DGKG: variants seen among roughly 807,000 people sequenced by gnomAD.
DGKG encodes the protein DAG kinase gamma.
Under a neutral mutation model 105.3 loss-of-function variants are expected in DGKG, and 78 were observed. The ratio of observed to expected loss-of-function variants is 0.74; its 90% CI spans 0.62 to 0.89. The LOEUF is 0.89. Ranked by LOEUF, DGKG falls within the 40% of genes least tolerant of loss-of-function variation. The pLI, the probability that DGKG is intolerant of heterozygous loss-of-function variation, is 0.00. For missense variants in DGKG, 958 were observed against 1,020.1 expected (o/e 0.94, Z 0.83); for synonymous variants, 346 against 367.1 (o/e 0.94, Z 0.66).
chr3:186,242,653 C>T (rs1720745730), intron 19 of DGKG, 85 bp from the exon 20 acceptor site: 1 of 1,177,872 alleles, frequency 8.5e-7, no homozygotes, highest in African/African-American at 1.5e-5. Context: ...CATGCACTCG[C>T]TGAGTCATGC....
intron 1 of DGKG, among the ~76,000 whole-genome samples, chr3:186,337,394 T>A (rs1725879689): frequency 6.6e-6 from 1 of 151,662 alleles, no homozygotes; most frequent in Non-Finnish European, 1.5e-5. Flanking sequence ...AATTCAACAC[T>A]GAAATATAAT....
intron 18 of DGKG, among the ~76,000 whole-genome samples, chr3:186,252,837 T>G (rs1396370309): frequency 6.6e-6 from 1 of 152,098 alleles, no homozygotes; most frequent in Admixed American, 6.5e-5. Context: ...AGGCTCTAAG[T>G]TGATGGTTTC....
intron 17 of DGKG, among the ~76,000 whole-genome samples, chr3:186,256,618 C>T (rs758927874): frequency 8.5e-5 from 13 of 152,222 alleles, no homozygotes; most frequent in Non-Finnish European, 1.9e-4. Context: ...GTATAAAAGC[C>T]ATATTCCATA....
intron 19 of DGKG, among the ~76,000 whole-genome samples, chr3:186,245,195 A>C (rs1720882826): frequency 6.6e-6 from 1 of 152,178 alleles, no homozygotes; most frequent in South Asian, 2.1e-4. Flanking sequence ...TTCCATAACT[A>C]GGTTTTGCAA....
chr3:186,246,642 T>TC (rs1454172394), intron 19 of DGKG, among the ~76,000 whole-genome samples: 2 of 152,094 alleles, frequency 1.3e-5, no homozygotes, highest in Non-Finnish European at 2.9e-5. Context: ...CTCTGGGGAG[T>TC]CCCACTGTAT....
intron 19 of DGKG, among the ~76,000 whole-genome samples, chr3:186,243,895 G>GTTTTT (rs34134152): frequency 1.5e-4 from 18 of 116,314 alleles, no homozygotes; most frequent in East Asian, 4.8e-4. Flanking sequence ...AAATTTCTGT[G>GTTTTT]TTTTTTTTTT....
intron 11 of DGKG, among the ~76,000 whole-genome samples, chr3:186,270,333 T>C (rs1450391021): frequency 6.6e-6 from 1 of 152,186 alleles, no homozygotes; most frequent in Non-Finnish European, 1.5e-5. Flanking sequence ...TCTCACCATG[T>C]TGCCCCGGCT....
intron 1 of DGKG, among the ~76,000 whole-genome samples, chr3:186,333,090 T>C (rs1560159873): frequency 6.6e-6 from 1 of 152,174 alleles, no homozygotes; most frequent in African/African-American, 2.4e-5. Flanking sequence ...GTTACCCAGC[T>C]TCAGGTATCC....
chr3:186,250,675 G>A (rs1405060536), intron 19 of DGKG, among the ~76,000 whole-genome samples: 2 of 149,910 alleles, frequency 1.3e-5, no homozygotes, highest in South Asian at 2.1e-4. Context: ...TCAGCCTCCC[G>A]AGTAGCTGGG....
intron 20 of DGKG, among the ~76,000 whole-genome samples, chr3:186,224,859 G>A (rs1300434246): frequency 6.6e-6 from 1 of 151,972 alleles, no homozygotes; most frequent in African/African-American, 2.4e-5. Context: ...CTCATGAGGA[G>A]TTGAACCTCA....
rs73887786 is a variant in DGKG, at chr3:186,221,412, G to C, written c.1827-9527C>G. ...CTTAGCAATCCTTTCTCCCTTTGAA[G>C]AGTTATTCGTGGAAAGAAAATCCCC... On this transcript the variant is annotated intron_variant, in intron 20 of 24. Transcript: ENST00000265022. 2.5e-3 allele frequency among the ~76,000 whole-genome samples: 380 copies of C among 152,334 alleles called. 4 individuals are homozygous for C. The highest frequency in any genetic ancestry group is 8.7e-3 in the African/African-American group (360 of 41,570).
At chr3:186,256,939 A>G (rs1303168021) in intron 17 of DGKG, among the ~76,000 whole-genome samples, 1 of 152,072 alleles carries the variant, frequency 6.6e-6, no homozygotes, top group African/African-American at 2.4e-5. Context: ...ACTATGTCTC[A>G]CTTATTTAAT....
chr3:186,267,545 T>TA (rs916019954), intron 13 of DGKG, 140 bp downstream of exon 13: 8 of 681,184 alleles, frequency 1.2e-5, no homozygotes, highest in African/African-American at 1.8e-5. Flanking sequence ...AAAATAACAG[T>TA]AAAAAAAGAA....
rs13089860 is a variant in DGKG, at chr3:186,148,826, A to G, written c.*1264T>C. 0.66 allele frequency: 646,806 copies of G among 984,394 alleles called. 213,440 individuals are homozygous for G. The highest frequency in any genetic ancestry group is 0.92 in the East Asian group (8,104 of 8,786). 61.0% of individuals were successfully genotyped at this position (984,394 alleles called of 1,614,324 possible). A position where few individuals can be genotyped will look rare whatever the true frequency, so the allele number is the denominator to read the frequency against. On this transcript the variant is annotated 3_prime_UTR_variant, in exon 25 of 25. Coordinates refer to ENST00000265022, the MANE Select transcript of DGKG (RefSeq NM_001346.3). ...ATTCCCCTTAACCCTTGTGATCACC[A>G]CAGGGAGATGCGTCCTGACAATGAA...
At chr3:186,290,995 T>C (rs1304637181) in intron 5 of DGKG, among the ~76,000 whole-genome samples, 2 of 152,198 alleles carry the variant, frequency 1.3e-5, no homozygotes, top group Non-Finnish European at 2.9e-5. Context: ...TGATAGAGTA[T>C]TCAGAAACAT....
chr3:186,323,261 C>A (rs954140265), intron 1 of DGKG, among the ~76,000 whole-genome samples: 2 of 152,178 alleles, frequency 1.3e-5, no homozygotes, highest in Non-Finnish European at 2.9e-5. Context: ...CTTTAGAAAC[C>A]TTTGCCATCG....
rs115221090 is a variant in DGKG at position 186,214,195 on chromosome 3, T to C, written c.1827-2310A>G. On this transcript the variant is annotated intron_variant, in intron 20 of 24. Transcript: ENST00000265022. Reference sequence around the variant, plus strand: ...TCACGGTTAGGTCAGCATCGCAGAATAACTGAGAAGATCAAACGGACTACT... The same window carrying C: ...TCACGGTTAGGTCAGCATCGCAGAACAACTGAGAAGATCAAACGGACTACT... Among the ~76,000 whole-genome samples the C allele has an allele frequency of 8.6e-3, 1,310 of 152,336 alleles. 18 individuals carry two copies. Among genetic ancestry groups the C allele is most frequent in the African/African-American group, 0.03 (1,246 of 41,572 alleles).
intron 22 of DGKG, among the ~76,000 whole-genome samples, chr3:186,186,747 A>G (rs1717655955): frequency 6.6e-6 from 1 of 152,158 alleles, no homozygotes; most frequent in African/African-American, 2.4e-5. Context: ...TCCATTGAGG[A>G]CCTGTGAGGA....
At chr3:186,205,029 G>T (rs915110555) in intron 21 of DGKG, among the ~76,000 whole-genome samples, 1 of 152,008 alleles carries the variant, frequency 6.6e-6, no homozygotes, top group African/African-American at 2.4e-5. Flanking sequence ...GGCCAAAGTG[G>T]GCTGATCACT....
Sources: allele counts gnomAD v4.1 joint callset (sites outside exome capture counted in the v4.1 genomes callset), GRCh38; gene constraint gnomAD v4.1.1; transcripts MANE v1.5; gene names NCBI Gene and HGNC (gene_info 2026-07-23, HGNC 2026-07-21).